Variants in LMO7 observed in about 807,000 individuals in gnomAD.
LMO7 encodes the protein LIM domain 7, also known as LIM domain only protein 7.
LMO7 carries 120 observed loss-of-function variants against 206.5 expected under a neutral mutation model. The observed-to-expected ratio is 0.58, with a 90% CI of 0.50 to 0.68. The LOEUF (loss-of-function observed/expected upper bound fraction) is 0.68. Ranked by LOEUF, LMO7 falls within the 30% of genes least tolerant of loss-of-function variation. The pLI is 0.00. For synonymous variants in LMO7, 706 were observed against 681.5 expected, an observed-to-expected ratio of 1.04 and a Z score of -0.56; for missense variants, 1,959 against 1,957.9, an observed-to-expected ratio of 1.00 and a Z score of -0.01.
At chr13:75,773,823 TAA>T (rs941274765) in intron 4 of LMO7, among the ~76,000 whole-genome samples, 1 of 152,196 alleles carries the variant, frequency 6.6e-6, no homozygotes, top group Non-Finnish European at 1.5e-5. Flanking sequence ...TATGAAGCAA[TAA>T]TAGTCATTTG....
intron 11 of LMO7, among the ~76,000 whole-genome samples, chr13:75,816,573 G>A (rs912482589): frequency 1.3e-4 from 20 of 152,188 alleles, no homozygotes; most frequent in Non-Finnish European, 2.8e-4. Context: ...TAAAAGAAGA[G>A]GGTTATAGAG....
intron 1 of LMO7, among the ~76,000 whole-genome samples, 157 bp from the exon 2 acceptor site, chr13:75,713,025 A>G (rs1343818665): frequency 1.3e-5 from 2 of 152,228 alleles, no homozygotes; most frequent in Non-Finnish European, 2.9e-5. Context: ...AACAGACAGT[A>G]CATATTCCTA....
chr13:75,821,454 C>G lies in LMO7; in HGVS notation c.2485C>G (p.Arg829Gly), dbSNP rs41286128. The change falls in exon 14 of 31, where the codon CGT becomes GGT. Residue 829 changes from arginine to glycine, a missense_variant. Physicochemically the swap from Arg to Gly is moderately radical, Grantham distance 125. Coordinates refer to ENST00000377534, the MANE Select transcript of LMO7 (RefSeq NM_001306080.2). ...AAGCCCAGCCTCTTTGTCTTCTCTGCGTTCACGGAGCACACAAATGGAATC... is the reference window on the plus strand; with the variant it reads ...AAGCCCAGCCTCTTTGTCTTCTCTGGGTTCACGGAGCACACAAATGGAATC... ...EQSPASLSSL[R>G]SRSTQMESTR... 3.7e-6 allele frequency: 6 copies of G among 1,614,144 alleles called. No individual in the cohort carries two copies. The highest frequency in any genetic ancestry group is 5.1e-6 in the Non-Finnish European group (6 of 1,179,996).
At chr13:75,655,870 G>A (rs1232238451) in intron 1 of LMO7, among the ~76,000 whole-genome samples, 1 of 151,912 alleles carries the variant, frequency 6.6e-6, no homozygotes, top group Admixed American at 6.6e-5. Flanking sequence ...ATCTATCCCT[G>A]TGTTGTCATT....
intron 6 of LMO7, among the ~76,000 whole-genome samples, chr13:75,800,303 G>A (rs1159051805): frequency 6.6e-6 from 1 of 151,978 alleles, no homozygotes; most frequent in Non-Finnish European, 1.5e-5. Flanking sequence ...TTTTCTTTTT[G>A]ACTCTTTTCA....
chr13:75,831,341 A>C (rs2058652613), intron 15 of LMO7, among the ~76,000 whole-genome samples: 1 of 152,198 alleles, frequency 6.6e-6, no homozygotes, highest in Non-Finnish European at 1.5e-5. Context: ...TTTTATACAG[A>C]GTAAACAATA....
intron 1 of LMO7, among the ~76,000 whole-genome samples, chr13:75,655,194 G>T (rs2037938117): frequency 6.6e-6 from 1 of 152,090 alleles, no homozygotes; most frequent in Non-Finnish European, 1.5e-5. Context: ...CTGCATCCTT[G>T]CATATCTGCA....
At chr13:75,714,953 C>T (rs2043411439) in intron 2 of LMO7, among the ~76,000 whole-genome samples, 1 of 151,736 alleles carries the variant, frequency 6.6e-6, no homozygotes, top group Non-Finnish European at 1.5e-5. Context: ...AGGTTTGTGC[C>T]TTCAAGGAAG....
chr13:75,783,426 T>G (rs1341674094), intron 4 of LMO7, among the ~76,000 whole-genome samples: 2 of 152,128 alleles, frequency 1.3e-5, no homozygotes, highest in Admixed American at 6.5e-5. Flanking sequence ...TGGGTTCAAT[T>G]GATCCTCCCA....
intron 22 of LMO7, among the ~76,000 whole-genome samples, 177 bp downstream of exon 22, chr13:75,840,672 G>C (rs1023290895): frequency 3.9e-5 from 6 of 152,176 alleles, no homozygotes; most frequent in African/African-American, 1.4e-4. Flanking sequence ...AAGATTTCCA[G>C]AGTCATCCTT....
At chr13:75,802,237 A>G (rs1208102439) in intron 7 of LMO7, among the ~76,000 whole-genome samples, 2 of 152,250 alleles carry the variant, frequency 1.3e-5, no homozygotes, top group Admixed American at 1.3e-4. Context: ...TTAAAAATAA[A>G]AAATGTGAAA....
chr13:75,696,563 C>A (rs908699690), intron 1 of LMO7, among the ~76,000 whole-genome samples: 10 of 152,098 alleles, frequency 6.6e-5, no homozygotes, highest in African/African-American at 2.4e-4. Flanking sequence ...TTTTCAGAGA[C>A]CATTCTTAGT....
intron 1 of LMO7, among the ~76,000 whole-genome samples, chr13:75,682,745 C>T (rs1312980017): frequency 6.6e-6 from 1 of 152,128 alleles, no homozygotes; most frequent in African/African-American, 2.4e-5. Flanking sequence ...CTTTGTTCCC[C>T]ACACATCTTG....
chr13:75,749,183 C>G (rs545373430), intron 3 of LMO7, among the ~76,000 whole-genome samples: 1 of 152,160 alleles, frequency 6.6e-6, no homozygotes, highest in Non-Finnish European at 1.5e-5. Context: ...TGCTAAAGAT[C>G]GTTGGGACAG....
intron 3 of LMO7, among the ~76,000 whole-genome samples, chr13:75,728,561 C>T (rs2044728332): frequency 1.4e-5 from 2 of 142,008 alleles, no homozygotes; most frequent in Admixed American, 1.4e-4. Flanking sequence ...AAAATTTTCT[C>T]CCATTTTGTA....
chr13:75,841,569 A>G lies in LMO7; in HGVS notation c.3676-59A>G, dbSNP rs2059559571. On this transcript the variant is annotated intron_variant, in intron 23 of 30. Coordinates refer to ENST00000377534, the MANE Select transcript of LMO7 (RefSeq NM_001306080.2). ...TCTAAAACTGAATATATATGTGTCT[A>G]TATGAAATTACGGAAATAAACAGAT... 2.5e-6 allele frequency: 3 copies of G among 1,199,646 alleles called. No homozygotes were observed. In the Admixed American group the frequency reaches 6.7e-5, roughly 27 times the overall value. 74.3% of individuals were successfully genotyped at this position (1,199,646 alleles called of 1,614,324 possible).
At chr13:75,774,247 C>T (rs1288624349) in intron 4 of LMO7, among the ~76,000 whole-genome samples, 2 of 152,102 alleles carry the variant, frequency 1.3e-5, no homozygotes, top group Non-Finnish European at 1.5e-5. Context: ...ACTCTAGCCA[C>T]AGTATAGTTC....
intron 3 of LMO7, among the ~76,000 whole-genome samples, chr13:75,743,689 G>A (rs1384325215): frequency 2.0e-5 from 3 of 152,102 alleles, no homozygotes; most frequent in African/African-American, 7.2e-5. Context: ...AGGCACTGAG[G>A]CCTACATGAG....
chr13:75,622,716 G>A (rs2033477615), intron 1 of LMO7, among the ~76,000 whole-genome samples: 2 of 152,180 alleles, frequency 1.3e-5, no homozygotes, highest in African/African-American at 4.8e-5. Context: ...CATACTAATG[G>A]GTCTTGATTT....
Sources: allele counts gnomAD v4.1 joint callset (sites outside exome capture counted in the v4.1 genomes callset), GRCh38; gene constraint gnomAD v4.1.1; transcripts MANE v1.5; gene names NCBI Gene and HGNC (gene_info 2026-07-23, HGNC 2026-07-21).